Variants in ARGLU1 observed in about 807,000 individuals in gnomAD.
The protein encoded by ARGLU1 is arginine and glutamate rich 1, also known as arginine and glutamate-rich protein 1.
In ARGLU1, 9 loss-of-function variants were observed where a neutral mutation model predicts 37.6. The ratio of observed to expected loss-of-function variants is 0.24; its 90% CI spans 0.14 to 0.42. ARGLU1 has a LOEUF of 0.42. ARGLU1 is among the 10% of genes least tolerant of loss of function. The pLI is 1.00. For missense variants in ARGLU1, 211 were observed against 359.2 expected (o/e 0.59, Z 3.34); for synonymous variants, 166 against 138.5 (o/e 1.20, Z -1.39).
intron 3 of ARGLU1, among the ~76,000 whole-genome samples, chr13:106,556,229 T>A (rs924016950): frequency 6.6e-6 from 1 of 152,260 alleles, no homozygotes; most frequent in Non-Finnish European, 1.5e-5. Flanking sequence ...GGCTTTCCAA[T>A]AGATTCCATT....
In ARGLU1 at chr13:106,568,085, G is replaced by A. The variant is rs1010529560; in HGVS notation, c.-166C>T. On this transcript the variant is annotated 5_prime_UTR_variant, in exon 1 of 4. Coordinates refer to ENST00000400198, the MANE Select transcript of ARGLU1 (RefSeq NM_018011.4). ...CCCGGCGTCTACAGCTGCCACGAAG[G>A]CCGCCTCCAACGAGAAACCCGTAGC... is the stretch of plus-strand genomic sequence containing the variant. 4.5e-6 allele frequency: 5 copies of A among 1,112,700 alleles called. No individual in the cohort carries two copies. Among genetic ancestry groups the A allele is most frequent in the Non-Finnish European group, 6.0e-6 (5 of 830,260 alleles). 68.9% of individuals were successfully genotyped at this position (1,112,700 alleles called of 1,614,324 possible). A position where few individuals can be genotyped will look rare whatever the true frequency, so the allele number is the denominator to read the frequency against.
intron 3 of ARGLU1, among the ~76,000 whole-genome samples, chr13:106,544,375 C>G (rs1296276692): frequency 6.6e-6 from 1 of 152,056 alleles, no homozygotes; most frequent in East Asian, 1.9e-4. Flanking sequence ...GTCATAAAAT[C>G]TGACGAAGGT....
intron 1 of ARGLU1, among the ~76,000 whole-genome samples, chr13:106,565,040 T>A (rs1209954981): frequency 6.6e-6 from 1 of 152,184 alleles, no homozygotes; most frequent in Non-Finnish European, 1.5e-5. Flanking sequence ...ACAACCATCC[T>A]CACTACTCCT....
rs545852177 is a variant in ARGLU1 at position 106,558,654 on chromosome 13, T to C, written c.573+778A>G. On this transcript the variant is annotated intron_variant, in intron 2 of 3. Coordinates refer to ENST00000400198, the MANE Select transcript of ARGLU1 (RefSeq NM_018011.4). ...ATAAAGCTTCAGTAGCAAATTACTG[T>C]CTCACAGAAAGACATTTTCAACTTC... The C allele has an allele frequency of 8.9e-4, 873 of 985,318 alleles. 1 individual carries two copies. Among genetic ancestry groups the C allele is most frequent in the Non-Finnish European group, 1.0e-3 (845 of 829,944 alleles). 61.0% of individuals were successfully genotyped at this position (985,318 alleles called of 1,614,324 possible). A position where few individuals can be genotyped will look rare whatever the true frequency, so the allele number is the denominator to read the frequency against.
chr13:106,549,492 T>A (rs1269072651), intron 3 of ARGLU1, among the ~76,000 whole-genome samples: 2 of 152,224 alleles, frequency 1.3e-5, no homozygotes, highest in African/African-American at 4.8e-5. Flanking sequence ...TTCTGACACT[T>A]AGTAAACTAC....
rs992911670 is a variant in ARGLU1 at position 106,568,123 on chromosome 13, T to G, written c.-204A>C. ...AGAAACCCGTAGCGCCAGGCGCCCCTAAGATGGCAGCTGCGGCTGCACCGG... is the reference window on the plus strand; with the variant it reads ...AGAAACCCGTAGCGCCAGGCGCCCCGAAGATGGCAGCTGCGGCTGCACCGG... On this transcript the variant is annotated 5_prime_UTR_variant, in exon 1 of 4. Transcript: ENST00000400198. 35 of 750,430 alleles carry G rather than the reference T, an allele frequency of 4.7e-5. No individual in the cohort carries two copies. In the African/African-American group the frequency reaches 6.0e-4, roughly 13 times the overall value. The allele number at this position is 750,430 out of a possible 1,614,324, so 46.5% of individuals were successfully genotyped here.
At chr13:106,556,993 A>C in intron 3 of ARGLU1, 55 bp downstream of exon 3, 6 of 1,492,980 alleles carry the variant, frequency 4.0e-6, no homozygotes, top group Non-Finnish European at 5.6e-6. Flanking sequence ...ACAAAATCCG[A>C]AAAAAGGAAA....
intron 3 of ARGLU1, among the ~76,000 whole-genome samples, chr13:106,553,235 AAGTAT>A (rs1287642358): frequency 6.6e-6 from 1 of 152,196 alleles, no homozygotes; most frequent in African/African-American, 2.4e-5. Context: ...TAAAATGTGC[AAGTAT>A]ATGTTTCTCA....
intron 3 of ARGLU1, among the ~76,000 whole-genome samples, chr13:106,552,152 T>G (rs370909093): frequency 1.3e-5 from 2 of 152,230 alleles, no homozygotes; most frequent in Non-Finnish European, 2.9e-5. Flanking sequence ...ATTTGATATA[T>G]AAGCAACTTT....
rs1023998810 is a variant in ARGLU1, at chr13:106,543,971, T to C, written c.*25A>G. ...CCATACAAAGTTTTTCCATTTTTCT[T>C]TGTAAAAAGTTCAGAGTTTGCAATT... is the stretch of plus-strand genomic sequence containing the variant. On this transcript the variant is annotated 3_prime_UTR_variant, in exon 4 of 4. Transcript: ENST00000400198. The C allele has an allele frequency of 1.3e-6, 2 of 1,559,982 alleles. No individual in the cohort carries two copies. The highest frequency in any genetic ancestry group is 1.4e-5 in the African/African-American group (1 of 70,722).
At chr13:106,566,644 GATT>G (rs1880971191) in intron 1 of ARGLU1, among the ~76,000 whole-genome samples, 1 of 152,132 alleles carries the variant, frequency 6.6e-6, no homozygotes, top group Non-Finnish European at 1.5e-5. Context: ...TTTAGTTTGG[GATT>G]ATTTATCCAC....
chr13:106,553,967 T>C (rs1880596182), intron 3 of ARGLU1, among the ~76,000 whole-genome samples: 1 of 152,190 alleles, frequency 6.6e-6, no homozygotes, highest in African/African-American at 2.4e-5. Context: ...CCCTAGCCTT[T>C]GTTTTATTCT....
rs1880741713 is a variant in ARGLU1, at chr13:106,559,525, C to A, written c.480G>T (p.Arg160Ser). 1.2e-6 allele frequency: 2 copies of A among 1,614,198 alleles called. No homozygotes were observed. Among genetic ancestry groups the A allele is most frequent in the Non-Finnish European group, 1.7e-6 (2 of 1,180,050 alleles). ...KDEIEREVLR[R>S]VEEAKRIMEK... is the part of the protein sequence containing the mutation. ...CCATGATGCGTTTGGCTTCCTCCAC[C>A]CTTCGGAGAACTTCTCGTTCAATTT... Residue 160 changes from arginine (R) to serine (S), a missense_variant, in exon 2 of 4, where the codon AGG becomes AGT. By Grantham distance (110) the Arg-to-Ser change is moderately radical. Transcript: ENST00000400198.
intron 1 of ARGLU1, among the ~76,000 whole-genome samples, chr13:106,563,009 C>CA (rs71809659): frequency 2.3e-4 from 22 of 94,422 alleles, no homozygotes; most frequent in South Asian, 1.1e-3. Context: ...AAAAAAAAAA[C>CA]AAAAAAAAAA....
intron 3 of ARGLU1, among the ~76,000 whole-genome samples, chr13:106,553,493 T>C (rs1880585320): frequency 6.6e-6 from 1 of 152,218 alleles, no homozygotes; most frequent in South Asian, 2.1e-4. Flanking sequence ...TTTTTATATT[T>C]ACTGATTTAC....
chr13:106,556,966 G>A (rs979975137), intron 3 of ARGLU1, 82 bp downstream of exon 3: 1 of 1,215,970 alleles, frequency 8.2e-7, no homozygotes, highest in Non-Finnish European at 1.2e-6. Flanking sequence ...CAAATTATAG[G>A]GCACAAAAAT....
intron 1 of ARGLU1, among the ~76,000 whole-genome samples, chr13:106,560,072 A>C (rs1880757661): frequency 6.6e-6 from 1 of 152,224 alleles, no homozygotes; most frequent in African/African-American, 2.4e-5. Context: ...ATTATGTAGC[A>C]GGCAACTCAG....
chr13:106,546,233 A>C (rs1039529147), intron 3 of ARGLU1, among the ~76,000 whole-genome samples: 1 of 152,126 alleles, frequency 6.6e-6, no homozygotes, highest in African/African-American at 2.4e-5. Flanking sequence ...ATACTGCCAG[A>C]CTCACCTTTC....
chr13:106,548,699 T>C (rs777082539), intron 3 of ARGLU1, among the ~76,000 whole-genome samples: 2 of 152,112 alleles, frequency 1.3e-5, no homozygotes, highest in East Asian at 1.9e-4. Flanking sequence ...AAATGTTCCA[T>C]TATAGTTAAA....
Sources: gnomAD v4.1 joint callset for allele counts (sites outside exome capture counted in the v4.1 genomes callset) on GRCh38, gnomAD v4.1.1 for gene constraint, MANE v1.5 for transcripts, NCBI Gene and HGNC (gene_info 2026-07-23, HGNC 2026-07-21) for gene names.